Variants in DCUN1D4 observed in about 807,000 individuals in gnomAD.
DCUN1D4 encodes the protein defective in cullin neddylation 1 domain containing 4, also known as DCN1-like protein 4.
Under a neutral mutation model 47.9 loss-of-function variants are expected in DCUN1D4, and 22 were observed. That is an observed-to-expected ratio of 0.46 (90% CI 0.33 to 0.66). The LOEUF (loss-of-function observed/expected upper bound fraction) is 0.66, where lower values mean the gene tolerates loss of function less well. Among genes scored for constraint, DCUN1D4 ranks in the 30% least tolerant of loss-of-function variants. The pLI, the probability that DCUN1D4 is intolerant of heterozygous loss-of-function variation, is 0.02. For synonymous variants in DCUN1D4, 121 were observed against 112.2 expected (o/e 1.08, Z -0.50); for missense variants, 301 against 340.8 (o/e 0.88, Z 0.92).
In DCUN1D4 at chr4:51,900,138, A is replaced by AT. The variant is rs1052332821; in HGVS notation, c.615+769dup. ...TTGTTTGATTGCACTTTTTTAAATT[A>AT]TTTTTTTTTAAGGCAGAGAACTCGG... is the stretch of plus-strand genomic sequence containing the variant. On this transcript the variant is annotated intron_variant, in intron 8 of 10. Coordinates refer to ENST00000334635, the MANE Select transcript of DCUN1D4 (RefSeq NM_001040402.3). 7.3e-5 allele frequency among the ~76,000 whole-genome samples: 11 copies of AT among 151,388 alleles called. No homozygotes were observed. The South Asian group carries it at 1.3e-3, about 17-fold the overall frequency.
At chr4:51,887,178 G>A in intron 6 of DCUN1D4, 1 of 439,700 alleles carries the variant, frequency 2.3e-6, no homozygotes, top group Non-Finnish European at 4.5e-6. Context: ...TCGGCTCACT[G>A]CAACCTCTGC....
intron 5 of DCUN1D4, among the ~76,000 whole-genome samples, chr4:51,882,548 A>G (rs1728828654): frequency 6.6e-6 from 1 of 152,126 alleles, no homozygotes. Flanking sequence ...CGGGCGGATC[A>G]CGAGGTCAGG....
chr4:51,834,855 C>A, the DCUN1D4 span, among the ~76,000 whole-genome samples: 1 of 152,174 alleles, frequency 6.6e-6, no homozygotes, highest in African/African-American at 2.4e-5. Context: ...AGTCGCATTG[C>A]TTGTAACTAC....
chr4:51,870,361 G>A (rs1427639660), intron 3 of DCUN1D4, among the ~76,000 whole-genome samples: 1 of 151,996 alleles, frequency 6.6e-6, no homozygotes, highest in Non-Finnish European at 1.5e-5. Context: ...TAAGAAGCAA[G>A]CATTCCTTGA....
intron 4 of DCUN1D4, 144 bp from the exon 5 acceptor site, chr4:51,877,619 C>G (rs1727900493): frequency 3.6e-6 from 2 of 555,018 alleles, no homozygotes; most frequent in Admixed American, 3.2e-5. Context: ...CTGAAGCCTG[C>G]AAATGCAGGA....
At chr4:51,910,856 T>C (rs1278061744) in intron 8 of DCUN1D4, 2 of 554,016 alleles carry the variant, frequency 3.6e-6, no homozygotes, top group East Asian at 6.3e-5. Context: ...CATAAATCTT[T>C]CTCACAGTAA....
chr4:51,893,938 T>A (rs1309337214), intron 7 of DCUN1D4, among the ~76,000 whole-genome samples: 1 of 152,238 alleles, frequency 6.6e-6, no homozygotes, highest in African/African-American at 2.4e-5. Context: ...TATTACCTGA[T>A]ACCAGACCTT....
At chr4:51,858,286 T>A (rs1724461205) in intron 1 of DCUN1D4, among the ~76,000 whole-genome samples, 1 of 152,104 alleles carries the variant, frequency 6.6e-6, no homozygotes, top group Admixed American at 6.6e-5. Flanking sequence ...GCAACCATGT[T>A]ATTATTAGGG....
chr4:51,867,685 G>A (rs1423912255), intron 3 of DCUN1D4, among the ~76,000 whole-genome samples: 2 of 152,192 alleles, frequency 1.3e-5, no homozygotes, highest in Admixed American at 6.5e-5. Flanking sequence ...TCAGAGGGGA[G>A]AAAGCACGTG....
At chr4:51,851,023 G>T (rs190022848) in intron 1 of DCUN1D4, among the ~76,000 whole-genome samples, 1 of 152,304 alleles carries the variant, frequency 6.6e-6, no homozygotes, top group East Asian at 1.9e-4. Flanking sequence ...GATGAAACAC[G>T]TAAAGTGTTT....
At chr4:51,909,148 G>A (rs1162011845) in intron 8 of DCUN1D4, among the ~76,000 whole-genome samples, 1 of 151,138 alleles carries the variant, frequency 6.6e-6, no homozygotes, top group South Asian at 2.1e-4. Flanking sequence ...TTTCTTTTTT[G>A]TCACCTTAGT....
intron 7 of DCUN1D4, among the ~76,000 whole-genome samples, chr4:51,892,630 A>G (rs1730603446): frequency 6.6e-6 from 1 of 152,238 alleles, no homozygotes; most frequent in African/African-American, 2.4e-5. Context: ...AAGAAAAATC[A>G]GTGGTTTTAT....
chr4:51,899,468 A>T, intron 8 of DCUN1D4, 90 bp downstream of exon 8: 3 of 1,482,410 alleles, frequency 2.0e-6, no homozygotes, highest in Admixed American at 3.1e-5. Flanking sequence ...ATGCCACAGC[A>T]AAAAAACTTG....
chr4:51,835,527 G>A, the DCUN1D4 span, among the ~76,000 whole-genome samples: 2 of 152,218 alleles, frequency 1.3e-5, no homozygotes, highest in Non-Finnish European at 2.9e-5. Context: ...AGGTTGTGGT[G>A]ATGGTGCTTT....
rs945032588 is a variant in DCUN1D4 at position 51,914,793 on chromosome 4, G to A, written c.*1209G>A. 3 of 146,496 alleles carry A rather than the reference G, an allele frequency of 2.0e-5. No homozygotes were observed. Among genetic ancestry groups the A allele is most frequent in the Non-Finnish European group, 3.0e-5 (2 of 66,272 alleles). The allele number at this position is 146,496 out of a possible 1,614,324, so 9.1% of individuals were successfully genotyped here. A position where few individuals can be genotyped will look rare whatever the true frequency, so the allele number is the denominator to read the frequency against. ...GTGGATGAGGAAACAAGAATAAACA[G>A]AATGGTATTTTTAGGTTTGTATTTT... On this transcript the variant is annotated 3_prime_UTR_variant, in exon 11 of 11. Coordinates refer to ENST00000334635, the MANE Select transcript of DCUN1D4 (RefSeq NM_001040402.3).
chr4:51,890,271 T>C (rs1237438359), intron 6 of DCUN1D4, among the ~76,000 whole-genome samples: 2 of 152,208 alleles, frequency 1.3e-5, no homozygotes, highest in Non-Finnish European at 2.9e-5. Flanking sequence ...TCATGTTTCA[T>C]GTTTTTATGT....
intron 9 of DCUN1D4, among the ~76,000 whole-genome samples, chr4:51,912,899 T>G (rs924356196): frequency 6.6e-6 from 1 of 152,230 alleles, no homozygotes; most frequent in African/African-American, 2.4e-5. Context: ...GCACTTACTT[T>G]GTGCCAAACA....
chr4:51,836,979 T>C, the DCUN1D4 span, among the ~76,000 whole-genome samples: 4 of 152,194 alleles, frequency 2.6e-5, no homozygotes, highest in African/African-American at 9.6e-5. Context: ...ACAGAAGCCA[T>C]TATCCAAATA....
intron 7 of DCUN1D4, among the ~76,000 whole-genome samples, chr4:51,896,899 C>T (rs937935376): frequency 2.0e-5 from 3 of 152,164 alleles, no homozygotes; most frequent in Non-Finnish European, 2.9e-5. Context: ...CTGTGGACTA[C>T]AAAAGCCTTT....
Sources: gnomAD v4.1 joint callset for allele counts (sites outside exome capture counted in the v4.1 genomes callset) on GRCh38, gnomAD v4.1.1 for gene constraint, MANE v1.5 for transcripts, NCBI Gene and HGNC (gene_info 2026-07-23, HGNC 2026-07-21) for gene names.